The following BRINP2 variants were observed in gnomAD, a reference collection of about 807,000 sequenced individuals.
The protein encoded by BRINP2 is BMP/retinoic acid-inducible neural-specific protein 2.
A neutral mutation model predicts 69.2 loss-of-function variants in BRINP2; 21 were observed. The ratio of observed to expected loss-of-function variants is 0.30; its 90% CI spans 0.22 to 0.44. The LOEUF is 0.44. Ranked by LOEUF, BRINP2 falls within the 20% of genes least tolerant of loss-of-function variation. The pLI, the probability that BRINP2 is intolerant of heterozygous loss-of-function variation, is 1.00. For synonymous variants in BRINP2, 380 were observed against 394.1 expected, an observed-to-expected ratio of 0.96 and a Z score of 0.42; for missense variants, 877 against 986.0, an observed-to-expected ratio of 0.89 and a Z score of 1.48.
At position 177,276,448 on chromosome 1, in the gene BRINP2, A is replaced by G; in HGVS notation, c.1012+14A>G. On this transcript the variant is annotated intron_variant, in intron 6 of 7. Coordinates refer to ENST00000361539, the MANE Select transcript of BRINP2 (RefSeq NM_021165.4). Reference sequence around the variant, plus strand: ...TTGAAGAGTCAGGTGAGCAGCCAGAATTCCTCCCTGTCAATGAGAGGTGGC... The same window carrying G: ...TTGAAGAGTCAGGTGAGCAGCCAGAGTTCCTCCCTGTCAATGAGAGGTGGC... 6.2e-7 allele frequency: 1 copy of G among 1,610,500 alleles called. No homozygotes were observed.
intron 5 of BRINP2, chr1:177,275,108 C>A (rs1358486300): frequency 2.2e-6 from 1 of 456,252 alleles, no homozygotes; most frequent in South Asian, 1.5e-5. Flanking sequence ...TACTGGGGAG[C>A]CTCCTGCAGA....
intron 3 of BRINP2, chr1:177,256,615 G>A: frequency 1.0e-6 from 1 of 985,440 alleles, no homozygotes. Flanking sequence ...ATGTGGGCTA[G>A]GACCCAGGGC....
chr1:177,227,803 A>C (rs566346323), intron 1 of BRINP2, among the ~76,000 whole-genome samples: 1 of 152,332 alleles, frequency 6.6e-6, no homozygotes, highest in South Asian at 2.1e-4. Flanking sequence ...TCTAATATAT[A>C]AAAAGGTTTA....
chr1:177,198,359 C>T (rs1489978928), intron 1 of BRINP2, among the ~76,000 whole-genome samples: 4 of 152,136 alleles, frequency 2.6e-5, no homozygotes, highest in African/African-American at 7.2e-5. Context: ...CCCTTATGCC[C>T]TTGTATTGTT....
chr1:177,271,092 G>A (rs1488209725), intron 4 of BRINP2, among the ~76,000 whole-genome samples: 1 of 152,156 alleles, frequency 6.6e-6, no homozygotes, highest in Admixed American at 6.5e-5. Context: ...CTCCTTACTG[G>A]CCATGACTAT....
At chr1:177,237,091 A>T (rs1049859318) in intron 2 of BRINP2, among the ~76,000 whole-genome samples, 1 of 152,196 alleles carries the variant, frequency 6.6e-6, no homozygotes, top group Admixed American at 6.5e-5. Flanking sequence ...AGGAGATGGT[A>T]CATAGTACTT....
intron 2 of BRINP2, among the ~76,000 whole-genome samples, chr1:177,237,644 G>C (rs902109310): frequency 2.0e-5 from 3 of 152,340 alleles, no homozygotes; most frequent in South Asian, 2.1e-4. Context: ...ATGGCCAAGG[G>C]GGGAAGGGAA....
chr1:177,248,688 G>A (rs576218842), intron 2 of BRINP2, among the ~76,000 whole-genome samples: 95 of 152,188 alleles, frequency 6.2e-4, no homozygotes, highest in African/African-American at 2.2e-3. Context: ...CTCTTTCTGA[G>A]TCTTTCATCT....
At chr1:177,195,037 G>A (rs1648702635) in intron 1 of BRINP2, among the ~76,000 whole-genome samples, 1 of 152,072 alleles carries the variant, frequency 6.6e-6, no homozygotes, top group South Asian at 2.1e-4. Flanking sequence ...GAACCTGTGG[G>A]TATAAAATTT....
At position 177,171,316 on chromosome 1, in the gene BRINP2, C is replaced by A. The variant is rs2102281596; in HGVS notation, c.-493C>A. Among the ~76,000 whole-genome samples the A allele has an allele frequency of 6.6e-6, 1 of 152,280 alleles. No individual in the cohort carries two copies. Among genetic ancestry groups the A allele is most frequent in the East Asian group, 1.9e-4 (1 of 5,148 alleles). On this transcript the variant is annotated 5_prime_UTR_variant, in exon 1 of 8. Transcript: ENST00000361539. ...TCGGCGGAGGGACAGGGGACTCCCC[C>A]AGTTGGGTCTTGCACTTCCCTTACC...
chr1:177,228,333 G>A (rs1206468048), intron 1 of BRINP2, among the ~76,000 whole-genome samples: 1 of 152,162 alleles, frequency 6.6e-6, no homozygotes, highest in Non-Finnish European at 1.5e-5. Context: ...TCAGACTCAG[G>A]CCAACCTTTA....
At chr1:177,236,979 T>G (rs528682911) in intron 2 of BRINP2, among the ~76,000 whole-genome samples, 50 of 150,886 alleles carry the variant, frequency 3.3e-4, no homozygotes, top group Middle Eastern at 3.4e-3. Flanking sequence ...TAGGGGTAAG[T>G]AAAATGAAGT....
At chr1:177,234,294 G>C (rs1430654270) in intron 2 of BRINP2, among the ~76,000 whole-genome samples, 1 of 152,178 alleles carries the variant, frequency 6.6e-6, no homozygotes, top group African/African-American at 2.4e-5. Flanking sequence ...GCCAGAAATA[G>C]CACTCAGGGC....
chr1:177,277,273 A>C (rs1651530443), intron 6 of BRINP2, among the ~76,000 whole-genome samples: 1 of 152,092 alleles, frequency 6.6e-6, no homozygotes, highest in South Asian at 2.1e-4. Flanking sequence ...TGGTATTTTT[A>C]TGGATAACTA....
At chr1:177,225,081 A>G (rs937198335) in intron 1 of BRINP2, among the ~76,000 whole-genome samples, 1 of 152,310 alleles carries the variant, frequency 6.6e-6, no homozygotes, top group Admixed American at 6.5e-5. Flanking sequence ...CAACAGGAGG[A>G]TGCAAAAAAA....
rs1421334464 is a variant in BRINP2 at position 177,171,676 on chromosome 1, C to A, written c.-133C>A. The A allele has an allele frequency of 1.3e-5, 2 of 152,184 alleles. No individual in the cohort carries two copies. Among genetic ancestry groups the A allele is most frequent in the Admixed American group, 6.5e-5 (1 of 15,278 alleles). The allele number at this position is 152,184 out of a possible 1,614,324, so 9.4% of individuals were successfully genotyped here. ...AATCTTTTAGGAGTCTCCTCCCAGT[C>A]GTTGAAGGTTTGGGGAGCAGCTGAT... is the stretch of plus-strand genomic sequence containing the variant. On this transcript the variant is annotated 5_prime_UTR_variant, in exon 1 of 8. Coordinates refer to ENST00000361539, the MANE Select transcript of BRINP2 (RefSeq NM_021165.4).
intron 1 of BRINP2, among the ~76,000 whole-genome samples, chr1:177,174,170 A>C (rs1648021545): frequency 6.6e-6 from 1 of 152,194 alleles, no homozygotes; most frequent in African/African-American, 2.4e-5. Flanking sequence ...GAACTGCTTT[A>C]TGCAGGGTCA....
chr1:177,210,116 G>C (rs1267443671), intron 1 of BRINP2, among the ~76,000 whole-genome samples: 1 of 152,166 alleles, frequency 6.6e-6, no homozygotes, highest in Non-Finnish European at 1.5e-5. Flanking sequence ...CTTCTCCAAA[G>C]TCAGAGAAAT....
Position 177,229,899 on chromosome 1 carries a change from G to A in BRINP2, c.23G>A (p.Arg8Gln), listed in dbSNP as rs1325504469. 10 of 1,592,222 alleles carry A rather than the reference G, an allele frequency of 6.3e-6. No individual in the cohort carries two copies. The highest frequency in any genetic ancestry group is 8.6e-6 in the Non-Finnish European group (10 of 1,165,454). MRWQCGT[R>Q]FRGLRPAVAP... ...AGCATGAGGTGGCAGTGTGGCACTCGGTTTAGAGGGCTTCGGCCGGCGGTG... is the reference window on the plus strand; with the variant it reads ...AGCATGAGGTGGCAGTGTGGCACTCAGTTTAGAGGGCTTCGGCCGGCGGTG... Residue 8 changes from arginine (R) to glutamine (Q), a missense_variant, in exon 2 of 8, where the codon CGG (arginine) becomes CAG (glutamine). By Grantham distance (43) the Arg-to-Gln change is conservative. Coordinates refer to ENST00000361539, the MANE Select transcript of BRINP2 (RefSeq NM_021165.4).
Sources: gnomAD v4.1 joint callset for allele counts (sites outside exome capture counted in the v4.1 genomes callset) on GRCh38, gnomAD v4.1.1 for gene constraint, MANE v1.5 for transcripts, NCBI Gene and HGNC (gene_info 2026-07-23, HGNC 2026-07-21) for gene names.